Variants in RANGAP1 observed in about 807,000 individuals in gnomAD.
RANGAP1 encodes the protein Ran GTPase activating protein 1, also known as ran GTPase-activating protein 1.
A neutral mutation model predicts 63.5 loss-of-function variants in RANGAP1; 38 were observed. The observed-to-expected ratio is 0.60, with a 90% CI of 0.46 to 0.78. RANGAP1 has a LOEUF of 0.78. RANGAP1 is among the 30% of genes least tolerant of loss of function. RANGAP1 has a pLI of 0.00. For missense variants in RANGAP1, 630 were observed against 740.3 expected, an observed-to-expected ratio of 0.85 and a Z score of 1.73; for synonymous variants, 329 against 310.5, an observed-to-expected ratio of 1.06 and a Z score of -0.63.
At chr22:41,295,320 A>G in the RANGAP1 span, among the ~76,000 whole-genome samples, 1 of 151,768 alleles carries the variant, frequency 6.6e-6, no homozygotes, top group East Asian at 2.0e-4. Context: ...AGAAAGAGGT[A>G]GACATGGGAG....
intron 2 of RANGAP1, among the ~76,000 whole-genome samples, chr22:41,279,478 A>C (rs2035365627): frequency 6.6e-6 from 1 of 151,716 alleles, no homozygotes; most frequent in South Asian, 2.1e-4. Flanking sequence ...TCAAAAAAAA[A>C]ACAAAAAGAA....
chr22:41,259,054 A>G (rs139513), intron 6 of RANGAP1, among the ~76,000 whole-genome samples: 116,975 of 151,762 alleles, frequency 0.77, 45,151 homozygotes, highest in Admixed American at 0.81. Flanking sequence ...CCCAGCCACG[A>G]TCCAGTGTGC....
chr22:41,277,373 C>T (rs560191963), intron 2 of RANGAP1: 66 of 951,064 alleles, frequency 6.9e-5, no homozygotes, highest in Admixed American at 3.7e-4. Flanking sequence ...CCACCGCGCC[C>T]GGCCGAAAGT....
At chr22:41,260,201 T>C (rs2145735280) in intron 6 of RANGAP1, among the ~76,000 whole-genome samples, 1 of 152,318 alleles carries the variant, frequency 6.6e-6, no homozygotes, top group East Asian at 1.9e-4. Context: ...CCCTGAATTC[T>C]ATCCACATAC....
chr22:41,246,787 G>T, intron 15 of RANGAP1, 115 bp from the exon 16 acceptor site: 2 of 994,334 alleles, frequency 2.0e-6, no homozygotes, highest in Non-Finnish European at 3.1e-6. Context: ...GACTCAGCAA[G>T]AGAGACATTA....
At chr22:41,275,012 G>A (rs1306582408) in intron 2 of RANGAP1, among the ~76,000 whole-genome samples, 2 of 152,078 alleles carry the variant, frequency 1.3e-5, no homozygotes, top group African/African-American at 2.4e-5. Flanking sequence ...AGTAGGTGGT[G>A]TGTGTGGAGC....
the RANGAP1 span, among the ~76,000 whole-genome samples, chr22:41,295,709 AAAAG>A: frequency 1.1e-3 from 173 of 151,310 alleles, 1 homozygote; most frequent in Non-Finnish European, 2.1e-3. Flanking sequence ...AAAAAAAAAA[AAAAG>A]AAAGAAAAAT....
At chr22:41,296,351 A>C in the RANGAP1 span, among the ~76,000 whole-genome samples, 1 of 152,160 alleles carries the variant, frequency 6.6e-6, no homozygotes, top group African/African-American at 2.4e-5. Flanking sequence ...AAAAACAAAC[A>C]AACAAACAAA....
the RANGAP1 span, among the ~76,000 whole-genome samples, chr22:41,294,756 T>G: frequency 7.6e-6 from 1 of 132,410 alleles, no homozygotes; most frequent in African/African-American, 2.9e-5. Context: ...ATCTGAGAAG[T>G]GAGGAGCCCC....
At chr22:41,260,011 A>C (rs1569184515) in intron 6 of RANGAP1, among the ~76,000 whole-genome samples, 1 of 125,502 alleles carries the variant, frequency 8.0e-6, no homozygotes, top group African/African-American at 3.1e-5. Flanking sequence ...GCCTCAATAA[A>C]ATTTTTTTTT....
At chr22:41,288,813 A>G (rs900649339), upstream of RANGAP1, among the ~76,000 whole-genome samples, 1 of 151,650 alleles carries the variant, frequency 6.6e-6, no homozygotes, top group African/African-American at 2.4e-5. Context: ...GGGGGGAGTT[A>G]GAGAGTGGAT....
intron 4 of RANGAP1, among the ~76,000 whole-genome samples, chr22:41,267,336 C>T (rs2034539496): frequency 6.6e-6 from 1 of 152,012 alleles, no homozygotes; most frequent in Non-Finnish European, 1.5e-5. Context: ...AAGACCCTGT[C>T]TTTAAAAAAA....
chr22:41,285,830 C>T (rs1165171058), intron 1 of RANGAP1, 156 bp downstream of exon 1: 4 of 542,602 alleles, frequency 7.4e-6, no homozygotes, highest in Non-Finnish European at 9.4e-6. Context: ...TCAACAACCC[C>T]ACTCCCACCG....
intron 9 of RANGAP1, 30 bp from the exon 10 acceptor site, chr22:41,256,135 C>A (rs776252894): frequency 1.2e-6 from 2 of 1,613,876 alleles, no homozygotes; most frequent in Non-Finnish European, 1.7e-6. Flanking sequence ...AGCAGTCAGC[C>A]GGGGTGCCAG....
chr22:41,250,524 C>T (rs560682885), intron 13 of RANGAP1, among the ~76,000 whole-genome samples: 63 of 152,248 alleles, frequency 4.1e-4, no homozygotes, highest in African/African-American at 1.5e-3. Flanking sequence ...AGGAAACAGA[C>T]AGGGTGGGGA....
intron 4 of RANGAP1, among the ~76,000 whole-genome samples, chr22:41,265,080 G>T (rs1375827402): frequency 6.6e-6 from 1 of 152,234 alleles, no homozygotes; most frequent in Non-Finnish European, 1.5e-5. Context: ...TGTAAGAGGT[G>T]GCATTTGGAC....
upstream of RANGAP1, among the ~76,000 whole-genome samples, chr22:41,288,512 G>A (rs971018736): frequency 6.6e-6 from 1 of 152,260 alleles, no homozygotes; most frequent in Non-Finnish European, 1.5e-5. Flanking sequence ...TTCCTGTGCT[G>A]CTTCCAGCTA....
At chr22:41,278,764 G>A (rs1045462952) in intron 2 of RANGAP1, among the ~76,000 whole-genome samples, 3 of 152,212 alleles carry the variant, frequency 2.0e-5, no homozygotes, top group African/African-American at 2.4e-5. Context: ...GATAAACGAG[G>A]TCAAAGTGGG....
At chr22:41,273,795 G>A (rs1448638248) in intron 3 of RANGAP1, among the ~76,000 whole-genome samples, 1 of 76,282 alleles carries the variant, frequency 1.3e-5, no homozygotes, top group Non-Finnish European at 3.1e-5. Flanking sequence ...AAAAAAAAAG[G>A]CCGGGAGCAG....
Sources: gnomAD v4.1 joint callset for allele counts (sites outside exome capture counted in the v4.1 genomes callset) on GRCh38, gnomAD v4.1.1 for gene constraint, MANE v1.5 for transcripts, NCBI Gene and HGNC (gene_info 2026-07-23, HGNC 2026-07-21) for gene names.